Variants in C12orf42 observed in about 807,000 individuals in gnomAD.
C12orf42 encodes the protein chromosome 12 open reading frame 42.
A neutral mutation model predicts 21.6 loss-of-function variants in C12orf42; 25 were observed. The ratio of observed to expected loss-of-function variants is 1.16; its 90% confidence interval spans 0.84 to 1.62. The LOEUF (loss-of-function observed/expected upper bound fraction) is 1.62, where lower values mean the gene tolerates loss of function less well. Among genes scored for constraint, C12orf42 ranks in the 40% most tolerant of loss-of-function variants. The probability of loss-of-function intolerance (pLI) is 0.00; values close to 1 mark genes in which losing one functional copy is unlikely to be tolerated. For missense variants in C12orf42, 483 were observed against 459.3 expected (o/e 1.05, Z -0.47); for synonymous variants, 174 against 175.0 (o/e 0.99, Z 0.05).
rs940916555 is a variant in C12orf42 at position 103,302,366 on chromosome 12, T to G, written c.825A>C (p.Lys275Asn). 3 of 1,613,768 alleles carry G rather than the reference T, an allele frequency of 1.9e-6. No homozygotes were observed. In the African/African-American group the frequency reaches 4.0e-5, roughly 22 times the overall value. Reference protein sequence around the residue: ...LLGASGNPVGKGAVAMAPEML... With the variant: ...LLGASGNPVGNGAVAMAPEML... ...TCTCCGGCGCCATGGCAACCGCGCC[T>G]TTTCCGACGGGATTTCCGGACGCGC... The change falls in exon 6 of 6, where the codon AAA becomes AAC. Residue 275 changes from lysine to asparagine, a missense_variant. Physicochemically the swap from Lys to Asn is moderately conservative, Grantham distance 94. Coordinates refer to ENST00000548883, the MANE Select transcript of C12orf42 (RefSeq NM_198521.5).
At chr12:103,203,510 T>G in the C12orf42 span, among the ~76,000 whole-genome samples, 1 of 152,184 alleles carries the variant, frequency 6.6e-6, no homozygotes, top group Non-Finnish European at 1.5e-5. Flanking sequence ...TAAAAAAATG[T>G]CCACTCTGGG....
rs2037814431 is a variant in C12orf42 at position 103,302,568 on chromosome 12, C to CAAAGCAGG, written c.632-17_632-10dup. 3 of 1,597,742 alleles carry CAAAGCAGG rather than the reference C, an allele frequency of 1.9e-6. No homozygotes were observed. The highest frequency in any genetic ancestry group is 2.6e-6 in the Non-Finnish European group (3 of 1,173,984). ...AGGTCTGGCGGCAGAACCTGGAAGG[C>CAAAGCAGG]AAAGCAGGAAAGCAGGACAGAGATG... On this transcript the variant is annotated splice_polypyrimidine_tract_variant and intron_variant, in intron 5 of 5. Transcript: ENST00000548883.
At chr12:103,462,299 T>C (rs866942391) in intron 2 of C12orf42, among the ~76,000 whole-genome samples, 10 of 151,478 alleles carry the variant, frequency 6.6e-5, no homozygotes, top group Admixed American at 1.3e-4. Flanking sequence ...TTAATACAGA[T>C]GGGGTTTTGC....
At chr12:103,223,133 TC>T in the C12orf42 span, among the ~76,000 whole-genome samples, 1 of 152,124 alleles carries the variant, frequency 6.6e-6, no homozygotes, top group Admixed American at 6.6e-5. Context: ...ATTCCTGCCT[TC>T]TTATATTAAT....
intron 4 of C12orf42, among the ~76,000 whole-genome samples, chr12:103,357,126 A>G (rs917145239): frequency 8.4e-6 from 1 of 118,854 alleles, no homozygotes; most frequent in Admixed American, 1.1e-4. Context: ...GAAGGGGAAC[A>G]TCACACTCTG....
At chr12:103,197,923 C>A in the C12orf42 span, among the ~76,000 whole-genome samples, 1 of 152,164 alleles carries the variant, frequency 6.6e-6, no homozygotes, top group African/African-American at 2.4e-5. Flanking sequence ...TAAGGTTGAG[C>A]ACCTGCTGTA....
At chr12:103,546,400 G>A in the C12orf42 span, among the ~76,000 whole-genome samples, 3 of 152,214 alleles carry the variant, frequency 2.0e-5, no homozygotes, top group Non-Finnish European at 2.9e-5. Flanking sequence ...GGGGATGATA[G>A]GATCAATTCT....
the C12orf42 span, among the ~76,000 whole-genome samples, chr12:103,537,228 TC>T: frequency 6.6e-6 from 1 of 152,148 alleles, no homozygotes; most frequent in African/African-American, 2.4e-5. Flanking sequence ...AATAGAATTT[TC>T]CAGAAAATCT....
intron 4 of C12orf42, among the ~76,000 whole-genome samples, chr12:103,328,690 A>T (rs1387913247): frequency 6.6e-6 from 1 of 152,226 alleles, no homozygotes; most frequent in Non-Finnish European, 1.5e-5. Context: ...TCCAGTAAAT[A>T]CCAGTGGGCC....
intron 2 of C12orf42, among the ~76,000 whole-genome samples, chr12:103,475,085 T>C (rs1010566569): frequency 1.3e-5 from 2 of 152,324 alleles, no homozygotes; most frequent in Admixed American, 6.5e-5. Context: ...TGCTTCCTCA[T>C]TGGTGGAACC....
chr12:103,535,856 C>A, the C12orf42 span, among the ~76,000 whole-genome samples: 1 of 152,150 alleles, frequency 6.6e-6, no homozygotes, highest in African/African-American at 2.4e-5. Context: ...CAGCTCACTG[C>A]AACCTAGATT....
At chr12:103,226,012 C>G in the C12orf42 span, among the ~76,000 whole-genome samples, 1 of 152,190 alleles carries the variant, frequency 6.6e-6, no homozygotes, top group African/African-American at 2.4e-5. Context: ...TCCAGGGGAT[C>G]TGGGAGTGGC....
At chr12:103,247,972 A>G (rs907138039) in intron 10 of C12orf42, among the ~76,000 whole-genome samples, 1 of 152,014 alleles carries the variant, frequency 6.6e-6, no homozygotes, top group South Asian at 2.1e-4. Flanking sequence ...TATTTTACCA[A>G]TGAGGAAACT....
chr12:103,194,813 G>A, the C12orf42 span, among the ~76,000 whole-genome samples: 1 of 152,134 alleles, frequency 6.6e-6, no homozygotes, highest in South Asian at 2.1e-4. Context: ...CTTTTATTTT[G>A]TTTCAGGAAG....
At chr12:103,452,016 C>T (rs1284480876) in intron 2 of C12orf42, among the ~76,000 whole-genome samples, 2 of 151,872 alleles carry the variant, frequency 1.3e-5, no homozygotes, top group African/African-American at 2.4e-5. Context: ...TATTATTGCT[C>T]GGGAGTTCAT....
At chr12:103,244,545 A>G (rs1237698855) in intron 10 of C12orf42, among the ~76,000 whole-genome samples, 2 of 150,660 alleles carry the variant, frequency 1.3e-5, no homozygotes, top group Non-Finnish European at 3.0e-5. Flanking sequence ...AGTGTTCAGC[A>G]TTCTTTGAAA....
At chr12:103,147,155 T>C in the C12orf42 span, among the ~76,000 whole-genome samples, 1 of 152,192 alleles carries the variant, frequency 6.6e-6, no homozygotes. Flanking sequence ...TAAGCCTTTA[T>C]AGTAGCTTTT....
intron 1 of C12orf42, among the ~76,000 whole-genome samples, chr12:103,484,240 G>A (rs1954667817): frequency 6.6e-6 from 1 of 152,210 alleles, no homozygotes; most frequent in African/African-American, 2.4e-5. Flanking sequence ...TCGCCACACT[G>A]TCTTCCACAA....
At chr12:103,226,219 G>A in the C12orf42 span, among the ~76,000 whole-genome samples, 1 of 152,182 alleles carries the variant, frequency 6.6e-6, no homozygotes, top group African/African-American at 2.4e-5. Flanking sequence ...CTTGTGTGCT[G>A]GAGATGTGGC....
Sources: allele counts gnomAD v4.1 joint callset (sites outside exome capture counted in the v4.1 genomes callset), GRCh38; gene constraint gnomAD v4.1.1; transcripts MANE v1.5; gene names NCBI Gene and HGNC (gene_info 2026-07-23, HGNC 2026-07-21).